PPP1R12B: variants seen among roughly 807,000 people sequenced by gnomAD.
PPP1R12B encodes the protein myosin phosphatase target subunit 2.
In PPP1R12B, 76 loss-of-function variants were observed where a neutral mutation model predicts 126.1. The ratio of observed to expected loss-of-function variants is 0.60; its 90% CI spans 0.50 to 0.73. The LOEUF (loss-of-function observed/expected upper bound fraction) is 0.73, where lower values mean the gene tolerates loss of function less well. PPP1R12B is among the 30% of genes least tolerant of loss of function. The probability of loss-of-function intolerance (pLI) is 0.00; values close to 1 mark genes in which losing one functional copy is unlikely to be tolerated. For missense variants in PPP1R12B, 1,052 were observed against 1,205.1 expected, an observed-to-expected ratio of 0.87 and a Z score of 1.88; for synonymous variants, 356 against 434.7, an observed-to-expected ratio of 0.82 and a Z score of 2.25.
chr1:202,572,912 T>C (rs1311029910), intron 23 of PPP1R12B, among the ~76,000 whole-genome samples: 1 of 152,228 alleles, frequency 6.6e-6, no homozygotes, highest in Non-Finnish European at 1.5e-5. Flanking sequence ...CTATAGAACA[T>C]TGACCAGATT....
chr1:202,480,871 A>G (rs1196919019), intron 13 of PPP1R12B, among the ~76,000 whole-genome samples: 1 of 152,206 alleles, frequency 6.6e-6, no homozygotes, highest in African/African-American at 2.4e-5. Flanking sequence ...TTTCAATGTA[A>G]CAGAATATGA....
intron 1 of PPP1R12B, among the ~76,000 whole-genome samples, chr1:202,356,749 C>G (rs563750359): frequency 9.9e-5 from 15 of 151,920 alleles, no homozygotes; most frequent in African/African-American, 3.1e-4. Flanking sequence ...GGATTCTTCT[C>G]TCAGAGCCTC....
chr1:202,398,036 C>T (rs3738208), intron 1 of PPP1R12B, among the ~76,000 whole-genome samples: 1 of 152,178 alleles, frequency 6.6e-6, no homozygotes, highest in African/African-American at 2.4e-5. Flanking sequence ...CTCAGCCTCC[C>T]GAGTAGCTGG....
In PPP1R12B at chr1:202,445,218, C is replaced by A. The variant is rs1572057414; in HGVS notation, c.1667+2646C>A. On this transcript the variant is annotated intron_variant, in intron 12 of 23. Transcript: ENST00000608999. ...CAGTGCAAACACTACTGCATCTGTA[C>A]ATCATGGCAGGTAAGGCTTCTTGAA... The A allele has an allele frequency of 4.8e-6, 6 of 1,246,524 alleles. No individual in the cohort carries two copies. The East Asian group carries it at 1.9e-4, about 39-fold the overall frequency. 77.2% of individuals were successfully genotyped at this position (1,246,524 alleles called of 1,614,324 possible).
intron 1 of PPP1R12B, among the ~76,000 whole-genome samples, chr1:202,378,822 T>C (rs1487248886): frequency 6.6e-6 from 1 of 152,200 alleles, no homozygotes; most frequent in African/African-American, 2.4e-5. Context: ...TAACGTTTTA[T>C]CTACTTGATC....
chr1:202,445,003 G>A, intron 12 of PPP1R12B: 1 of 1,242,626 alleles, frequency 8.0e-7, no homozygotes, highest in Non-Finnish European at 1.0e-6. Context: ...AATGGTGGGT[G>A]AGCAGCATGT....
intron 13 of PPP1R12B, among the ~76,000 whole-genome samples, chr1:202,478,866 C>G (rs1439307651): frequency 1.3e-5 from 2 of 152,112 alleles, no homozygotes; most frequent in South Asian, 4.1e-4. Flanking sequence ...CTCTGTTTCT[C>G]TCATTCAAAA....
chr1:202,567,803 GATC>G lies in PPP1R12B; in HGVS notation c.2788_2790del (p.Ser930del), dbSNP rs779338031. The G allele has an allele frequency of 1.2e-6, 2 of 1,614,010 alleles. No homozygotes were observed. The highest frequency in any genetic ancestry group is 8.5e-7 in the Non-Finnish European group (1 of 1,179,942). On this transcript the variant is annotated inframe_deletion, in exon 22 of 24. Transcript: ENST00000608999. ...CAGAAACAAGAAAAGACCTCTGACC[GATC>G]ATCAGTGCTGGAGATGGAGAAACGG...
rs1553332246 is a variant in PPP1R12B, at chr1:202,588,866, G to GATAGAT, written c.*8309_*8314dup. 2 of 143,434 alleles carry GATAGAT rather than the reference G, an allele frequency of 1.4e-5. No homozygotes were observed. The highest frequency in any genetic ancestry group is 3.0e-5 in the Non-Finnish European group (2 of 67,466). 8.9% of individuals were successfully genotyped at this position (143,434 alleles called of 1,614,324 possible). On this transcript the variant is annotated 3_prime_UTR_variant, in exon 24 of 24. Transcript: ENST00000608999. ...AGATAGATAGATAGATAGATAGATA[G>GATAGAT]ATAGATATCAAGGTTCCAAGCTTCA...
chr1:202,502,284 G>T (rs531645655), intron 18 of PPP1R12B: 1 of 984,638 alleles, frequency 1.0e-6, no homozygotes, highest in Non-Finnish European at 1.2e-6. Context: ...GGGTATGCTC[G>T]TGGAGAGATC....
At chr1:202,553,834 T>C (rs1558366130) in intron 18 of PPP1R12B, among the ~76,000 whole-genome samples, 1 of 152,142 alleles carries the variant, frequency 6.6e-6, no homozygotes, top group Non-Finnish European at 1.5e-5. Context: ...TTGCCTCTTC[T>C]GATGTCACTT....
In PPP1R12B at chr1:202,450,235, A is replaced by G. The variant is rs1423380378; in HGVS notation, c.1850+1064A>G. Among the ~76,000 whole-genome samples, 4 of 152,240 alleles carry G rather than the reference A, an allele frequency of 2.6e-5. No homozygotes were observed. The East Asian group carries it at 7.7e-4, about 29-fold the overall frequency. On this transcript the variant is annotated intron_variant, in intron 13 of 23. Coordinates refer to ENST00000608999, the MANE Select transcript of PPP1R12B (RefSeq NM_002481.4). ...AGAAGAATACCAGAAAAAGAAATGA[A>G]TAATATGTGATGATATGGTAGAAGA...
Position 202,471,991 on chromosome 1 carries a change from T to C in PPP1R12B, c.1851-16542T>C, listed in dbSNP as rs375080533. 1.3e-5 allele frequency: 21 copies of C among 1,596,012 alleles called. No homozygotes were observed. The African/African-American group carries it at 1.7e-4, about 13-fold the overall frequency. ...TGTGCATGGCTAAAGACCGTGGTGATTTTATAGCATCCTGGGCATTTCACA... is the reference window on the plus strand; with the variant it reads ...TGTGCATGGCTAAAGACCGTGGTGACTTTATAGCATCCTGGGCATTTCACA... On this transcript the variant is annotated intron_variant, in intron 13 of 23. Coordinates refer to ENST00000608999, the MANE Select transcript of PPP1R12B (RefSeq NM_002481.4).
chr1:202,380,499 G>C (rs1455072954), intron 1 of PPP1R12B, among the ~76,000 whole-genome samples: 2 of 152,068 alleles, frequency 1.3e-5, no homozygotes, highest in African/African-American at 4.8e-5. Context: ...TTGAACTTTG[G>C]GTTATTGTAT....
At chr1:202,360,812 C>A (rs1306983505) in intron 1 of PPP1R12B, among the ~76,000 whole-genome samples, 1 of 151,766 alleles carries the variant, frequency 6.6e-6, no homozygotes, top group Admixed American at 6.6e-5. Flanking sequence ...ATTAGTAGTA[C>A]CCTTCGTATG....
intron 1 of PPP1R12B, among the ~76,000 whole-genome samples, chr1:202,403,884 C>CATTCTA (rs558129028): frequency 7.9e-5 from 12 of 152,320 alleles, no homozygotes; most frequent in Admixed American, 7.8e-4. Context: ...TCACCACTGA[C>CATTCTA]ATTCTAATAA....
At chr1:202,402,964 C>T (rs995737413) in intron 1 of PPP1R12B, among the ~76,000 whole-genome samples, 1 of 152,136 alleles carries the variant, frequency 6.6e-6, no homozygotes, top group Non-Finnish European at 1.5e-5. Context: ...GGGATGGATA[C>T]ATGACAAAGC....
chr1:202,582,073 C>G lies in PPP1R12B; in HGVS notation c.*1513C>G, dbSNP rs955165881. 2.0e-5 allele frequency: 3 copies of G among 152,192 alleles called. No individual in the cohort carries two copies. Among genetic ancestry groups the G allele is most frequent in the African/African-American group, 7.2e-5 (3 of 41,454 alleles). The allele number at this position is 152,192 out of a possible 1,614,324, so 9.4% of individuals were successfully genotyped here. On this transcript the variant is annotated 3_prime_UTR_variant, in exon 24 of 24. Transcript: ENST00000608999. Reference sequence around the variant, plus strand: ...ACGAGAGAGTTTTTCCTCATATCAGCTGAAGTCTGCCTGTGGATTCTCCTT... The same window carrying G: ...ACGAGAGAGTTTTTCCTCATATCAGGTGAAGTCTGCCTGTGGATTCTCCTT...
At chr1:202,520,982 G>A in intron 18 of PPP1R12B, among the ~76,000 whole-genome samples, 1 of 152,034 alleles carries the variant, frequency 6.6e-6, no homozygotes, top group East Asian at 1.9e-4. Flanking sequence ...ATGAACCCAG[G>A]ACCCAAGAGC....
Sources: gnomAD v4.1 joint callset for allele counts (sites outside exome capture counted in the v4.1 genomes callset) on GRCh38, gnomAD v4.1.1 for gene constraint, MANE v1.5 for transcripts, NCBI Gene and HGNC (gene_info 2026-07-23, HGNC 2026-07-21) for gene names.